TMEM200A: variants seen among roughly 807,000 people sequenced by gnomAD.
TMEM200A encodes the protein two transmembrane C.
Under a neutral mutation model 24.3 loss-of-function variants are expected in TMEM200A, and 12 were observed. The observed-to-expected ratio is 0.49, with a 90% CI of 0.32 to 0.80. The LOEUF is 0.80. TMEM200A is among the 30% of genes least tolerant of loss of function. The probability of loss-of-function intolerance (pLI) is 0.04; values close to 1 mark genes in which losing one functional copy is unlikely to be tolerated. For synonymous variants in TMEM200A, 224 were observed against 224.4 expected (o/e 1.00, Z 0.02); for missense variants, 545 against 614.4 (o/e 0.89, Z 1.19).
chr6:130,413,823 C>A (rs1779386752), intron 2 of TMEM200A, among the ~76,000 whole-genome samples: 1 of 152,270 alleles, frequency 6.6e-6, no homozygotes, highest in South Asian at 2.1e-4. Flanking sequence ...CCACTTTGGC[C>A]CTCTTTCTGT....
At chr6:130,398,533 G>A (rs975207061) in intron 2 of TMEM200A, among the ~76,000 whole-genome samples, 2 of 152,042 alleles carry the variant, frequency 1.3e-5, no homozygotes, top group East Asian at 3.9e-4. Context: ...TTGAATGGTA[G>A]TTCTAAGTTA....
chr6:130,439,891 A>G (rs1780110988), intron 2 of TMEM200A, among the ~76,000 whole-genome samples: 1 of 152,136 alleles, frequency 6.6e-6, no homozygotes, highest in African/African-American at 2.4e-5. Flanking sequence ...TTCACAAGAG[A>G]GGTCTTAGAA....
chr6:130,426,214 C>T (rs893691393), intron 2 of TMEM200A, among the ~76,000 whole-genome samples: 2 of 152,100 alleles, frequency 1.3e-5, no homozygotes, highest in African/African-American at 2.4e-5. Flanking sequence ...GGACAGTGGC[C>T]TCTCACTACC....
At chr6:130,381,944 A>G in intron 1 of TMEM200A, 1 of 985,438 alleles carries the variant, frequency 1.0e-6, no homozygotes, top group Non-Finnish European at 1.2e-6. Flanking sequence ...CGTTCACTCC[A>G]GAACACACTG....
intron 2 of TMEM200A, among the ~76,000 whole-genome samples, chr6:130,426,267 G>A (rs533191584): frequency 2.6e-5 from 4 of 152,170 alleles, no homozygotes; most frequent in South Asian, 2.1e-4. Context: ...ACAGACCCTC[G>A]CCCACTGGGA....
At chr6:130,377,872 A>C (rs1466156674) in intron 1 of TMEM200A, among the ~76,000 whole-genome samples, 1 of 152,212 alleles carries the variant, frequency 6.6e-6, no homozygotes, top group African/African-American at 2.4e-5. Context: ...CCAGGGACTA[A>C]GAGCAGTTAG....
chr6:130,428,584 G>A (rs1779801766), intron 2 of TMEM200A, among the ~76,000 whole-genome samples: 1 of 152,168 alleles, frequency 6.6e-6, no homozygotes, highest in Non-Finnish European at 1.5e-5. Flanking sequence ...AGCAGGCACT[G>A]ATTGATTGAT....
At chr6:130,413,207 A>C (rs1376764878) in intron 2 of TMEM200A, among the ~76,000 whole-genome samples, 2 of 152,216 alleles carry the variant, frequency 1.3e-5, no homozygotes, top group Non-Finnish European at 2.9e-5. Context: ...ATTCTAGCCC[A>C]GATCTTGCCC....
intron 2 of TMEM200A, among the ~76,000 whole-genome samples, chr6:130,420,517 T>A (rs1779556891): frequency 6.6e-6 from 1 of 152,170 alleles, no homozygotes; most frequent in Non-Finnish European, 1.5e-5. Context: ...ACTCACATTT[T>A]TCTGACCAAA....
chr6:130,374,677 G>A (rs1216465861), intron 1 of TMEM200A, among the ~76,000 whole-genome samples: 2 of 152,056 alleles, frequency 1.3e-5, no homozygotes, highest in East Asian at 3.9e-4. Flanking sequence ...ACCCACCTCA[G>A]CCTCCCAAAG....
At chr6:130,412,088 G>A (rs965311509) in intron 2 of TMEM200A, among the ~76,000 whole-genome samples, 12 of 131,598 alleles carry the variant, frequency 9.1e-5, no homozygotes, top group Non-Finnish European at 6.2e-5. Context: ...TTTGTTGAAC[G>A]TTTCCTTGGC....
At chr6:130,411,042 G>C (rs1779317907) in intron 2 of TMEM200A, among the ~76,000 whole-genome samples, 1 of 152,160 alleles carries the variant, frequency 6.6e-6, no homozygotes. Flanking sequence ...GGTGATGCAT[G>C]CTTGTAATCC....
In TMEM200A at chr6:130,404,508, A is replaced by G. The variant is rs541097408; in HGVS notation, c.-17+19272A>G. ...ATAATATCCTGTTTATGTCCTTTGC[A>G]CACTTTTTAATGGGGTTGTTTTTCT... On this transcript the variant is annotated intron_variant, in intron 2 of 2. Coordinates refer to ENST00000296978, the MANE Select transcript of TMEM200A (RefSeq NM_001258277.2). 3.9e-5 allele frequency among the ~76,000 whole-genome samples: 6 copies of G among 152,088 alleles called. No homozygotes were observed. In the Middle Eastern group the frequency reaches 0.01, roughly 259 times the overall value.
At chr6:130,411,954 ATAT>A (rs1191531787) in intron 2 of TMEM200A, among the ~76,000 whole-genome samples, 1 of 152,090 alleles carries the variant, frequency 6.6e-6, no homozygotes, top group East Asian at 1.9e-4. Context: ...TTGTTTGTTT[ATAT>A]TATTATGGTC....
At chr6:130,377,712 A>G (rs1778494676) in intron 1 of TMEM200A, among the ~76,000 whole-genome samples, 1 of 152,232 alleles carries the variant, frequency 6.6e-6, no homozygotes, top group Non-Finnish European at 1.5e-5. Flanking sequence ...TTTTCTGAGT[A>G]CTTACCATGT....
intron 2 of TMEM200A, among the ~76,000 whole-genome samples, chr6:130,423,287 C>T (rs565551368): frequency 6.6e-6 from 1 of 152,178 alleles, no homozygotes; most frequent in Non-Finnish European, 1.5e-5. Context: ...ATTTTGGTAT[C>T]TATCTATTAT....
At position 130,366,704 on chromosome 6, in the gene TMEM200A, G is replaced by A. The variant is rs113036434; in HGVS notation, c.-81+180G>A. On this transcript the variant is annotated intron_variant, in intron 1 of 2. Coordinates refer to ENST00000296978, the MANE Select transcript of TMEM200A (RefSeq NM_001258277.2). This position sits in a 1 kb window ranked among gnomAD's most constrained non-coding sequence, Gnocchi z 4.4. ...TAAACCAAGTCCGCCATCAGGTCCA[G>A]ACTCCCCAGTCCCGGGAGCGCGAGA... Among the ~76,000 whole-genome samples, 1 of 152,172 alleles carries A rather than the reference G, an allele frequency of 6.6e-6. No homozygotes were observed. The highest frequency in any genetic ancestry group is 2.4e-5 in the African/African-American group (1 of 41,448).
At chr6:130,374,174 T>C (rs1303650221) in intron 1 of TMEM200A, among the ~76,000 whole-genome samples, 2 of 152,158 alleles carry the variant, frequency 1.3e-5, no homozygotes, top group East Asian at 1.9e-4. Flanking sequence ...TTGATTGATG[T>C]AGGATGAGAG....
intron 1 of TMEM200A, among the ~76,000 whole-genome samples, chr6:130,381,747 A>C (rs1778603060): frequency 6.6e-6 from 1 of 152,206 alleles, no homozygotes; most frequent in Non-Finnish European, 1.5e-5. Flanking sequence ...GCACAAATTA[A>C]AAGTTTATGG....
Sources: allele counts gnomAD v4.1 joint callset (sites outside exome capture counted in the v4.1 genomes callset), GRCh38; gene constraint gnomAD v4.1.1; non-coding constraint Gnocchi (gnomAD v3.1); transcripts MANE v1.5; gene names NCBI Gene and HGNC (gene_info 2026-07-23, HGNC 2026-07-21).